The following SKIC8 variants were observed in gnomAD, a reference collection of about 807,000 sequenced individuals.
The protein encoded by SKIC8 is SKI8 subunit of superkiller complex.
chr15:78,296,734 C>G, the SKIC8 span, among the ~76,000 whole-genome samples: 1 of 152,164 alleles, frequency 6.6e-6, no homozygotes, highest in African/African-American at 2.4e-5. Flanking sequence ...AACTCCTGGG[C>G]TCAAGCAATC....
chr15:78,299,587 G>A, the SKIC8 span: 1 of 152,440 alleles, frequency 6.6e-6, no homozygotes, highest in Non-Finnish European at 1.5e-5. Flanking sequence ...CTGCACGTCG[G>A]AAGCCGGGCT....
chr15:78,287,614 G>A, the SKIC8 span, among the ~76,000 whole-genome samples: 2 of 152,326 alleles, frequency 1.3e-5, no homozygotes, highest in South Asian at 2.1e-4. Flanking sequence ...ATGCCTGGCA[G>A]TGAGAGCTGA....
chr15:78,286,170 A>G, the SKIC8 span: 17 of 1,570,996 alleles, frequency 1.1e-5, 2 homozygotes, highest in Middle Eastern at 2.8e-3. Context: ...TTGAGATGTT[A>G]ATTTCTACAG....
At chr15:78,287,487 G>T in the SKIC8 span, among the ~76,000 whole-genome samples, 4 of 152,200 alleles carry the variant, frequency 2.6e-5, no homozygotes, top group Non-Finnish European at 2.9e-5. Flanking sequence ...CACATGGATG[G>T]TCAGGGTTGC....
chr15:78,290,561 G>A, the SKIC8 span: 1 of 153,418 alleles, frequency 6.5e-6, no homozygotes, highest in Admixed American at 6.5e-5. Flanking sequence ...CTCTTCCTGT[G>A]TGGTGGTTCA....
the SKIC8 span, chr15:78,283,706 G>T: frequency 3.1e-5 from 12 of 390,804 alleles, no homozygotes; most frequent in Non-Finnish European, 2.7e-5. Context: ...TATTTAATTA[G>T]AATTCCTGCC....
the SKIC8 span, chr15:78,292,883 G>A: frequency 2.2e-6 from 3 of 1,375,422 alleles, no homozygotes; most frequent in South Asian, 1.3e-5. Context: ...CAATACCAAT[G>A]GTCTATGAAA....
At chr15:78,292,880 A>C in the SKIC8 span, 1 of 1,403,982 alleles carries the variant, frequency 7.1e-7, no homozygotes, top group Middle Eastern at 2.5e-4. Context: ...ATGCAATACC[A>C]ATGGTCTATG....
the SKIC8 span, chr15:78,285,267 C>G: frequency 6.2e-7 from 1 of 1,613,890 alleles, no homozygotes; most frequent in African/African-American, 1.3e-5. Context: ...ATACCTGATC[C>G]TGGTGATCAA....
chr15:78,292,393 T>A, the SKIC8 span: 44 of 502,604 alleles, frequency 8.8e-5, no homozygotes, highest in East Asian at 1.5e-3. Flanking sequence ...TTTATTTATC[T>A]CCCTTAGTGT....
the SKIC8 span, chr15:78,290,230 G>C: frequency 1.1e-6 from 1 of 933,320 alleles, no homozygotes; most frequent in Non-Finnish European, 1.5e-6. Context: ...AAATTATGTT[G>C]TAAAGATGCT....
At chr15:78,292,471 G>A in the SKIC8 span, 1 of 827,570 alleles carries the variant, frequency 1.2e-6, no homozygotes, top group Non-Finnish European at 1.9e-6. Flanking sequence ...CCCACTGAGG[G>A]TATTATGTGA....
At chr15:78,292,469 G>A in the SKIC8 span, 20 of 812,686 alleles carry the variant, frequency 2.5e-5, no homozygotes, top group Non-Finnish European at 4.0e-5. Context: ...GCCCCACTGA[G>A]GGTATTATGT....
chr15:78,283,711 C>T, the SKIC8 span: 1 of 475,070 alleles, frequency 2.1e-6, no homozygotes, highest in Non-Finnish European at 3.7e-6. Context: ...AATTAGAATT[C>T]CTGCCCCTTC....
At chr15:78,290,117 G>A in the SKIC8 span, 4 of 1,599,632 alleles carry the variant, frequency 2.5e-6, no homozygotes, top group East Asian at 4.5e-5. Flanking sequence ...GAAAAAAGAA[G>A]GACAAAAATA....
the SKIC8 span, chr15:78,295,320 C>A: frequency 3.6e-6 from 2 of 558,868 alleles, no homozygotes; most frequent in Non-Finnish European, 3.2e-6. Context: ...TAAGAACACA[C>A]AGCCTGCCTA....
the SKIC8 span, chr15:78,291,689 T>C: frequency 6.6e-6 from 1 of 152,176 alleles, no homozygotes; most frequent in Non-Finnish European, 1.5e-5. Context: ...TTCTTTCCAA[T>C]ACAGGAACAG....
chr15:78,292,507 C>A, the SKIC8 span: 1 of 1,295,664 alleles, frequency 7.7e-7, no homozygotes, highest in Non-Finnish European at 1.1e-6. Context: ...CACATTATCA[C>A]CCCTCTCAAA....
At chr15:78,289,703 C>T in the SKIC8 span, 1 of 1,613,932 alleles carries the variant, frequency 6.2e-7, no homozygotes, top group South Asian at 1.1e-5. Flanking sequence ...AGGTATTTCC[C>T]ATCAGGACTC....
Sources: allele counts gnomAD v4.1 joint callset (sites outside exome capture counted in the v4.1 genomes callset), GRCh38; gene constraint gnomAD v4.1.1; transcripts MANE v1.5; gene names NCBI Gene and HGNC (gene_info 2026-07-23, HGNC 2026-07-21).